The following NCK2 variants were observed in gnomAD, a reference collection of about 807,000 sequenced individuals.
The protein encoded by NCK2 is cytoplasmic protein NCK2.
NCK2 carries 16 observed loss-of-function variants against 33.9 expected under a neutral mutation model. The ratio of observed to expected loss-of-function variants is 0.47; its 90% CI spans 0.32 to 0.72. NCK2 has a LOEUF of 0.72. NCK2 is among the 30% of genes least tolerant of loss of function. The probability of loss-of-function intolerance (pLI) is 0.03; values close to 1 mark genes in which losing one functional copy is unlikely to be tolerated. For missense variants in NCK2, 418 were observed against 537.3 expected, an observed-to-expected ratio of 0.78 and a Z score of 2.19; for synonymous variants, 273 against 239.9, an observed-to-expected ratio of 1.14 and a Z score of -1.27.
intron 2 of NCK2, among the ~76,000 whole-genome samples, chr2:105,851,325 G>A (rs1179249502): frequency 6.6e-6 from 1 of 151,544 alleles, no homozygotes; most frequent in African/African-American, 2.4e-5. Context: ...GTGCAGTGGC[G>A]CGATCTCGGC....
At chr2:105,813,343 C>G (rs1201702254) in intron 1 of NCK2, among the ~76,000 whole-genome samples, 1 of 152,196 alleles carries the variant, frequency 6.6e-6, no homozygotes, top group Non-Finnish European at 1.5e-5. Flanking sequence ...CTTCAGTTTT[C>G]TGGACAAATA....
chr2:105,890,335 G>T (rs1678918237), intron 4 of NCK2, among the ~76,000 whole-genome samples: 1 of 152,240 alleles, frequency 6.6e-6, no homozygotes, highest in African/African-American at 2.4e-5. Flanking sequence ...TTAAAATTGG[G>T]TGTATCTTAC....
intron 3 of NCK2, among the ~76,000 whole-genome samples, chr2:105,862,304 A>T (rs1677572185): frequency 1.3e-5 from 2 of 152,310 alleles, no homozygotes; most frequent in South Asian, 4.1e-4. Context: ...CAAAAGACCC[A>T]GGTTAGTCGA....
At chr2:105,800,344 T>G (rs978448359) in intron 1 of NCK2, among the ~76,000 whole-genome samples, 1 of 152,152 alleles carries the variant, frequency 6.6e-6, no homozygotes, top group African/African-American at 2.4e-5. Context: ...AAAGATTGAT[T>G]GAGATAGTGC....
intron 1 of NCK2, among the ~76,000 whole-genome samples, chr2:105,786,350 C>T (rs1417024626): frequency 2.0e-5 from 3 of 152,222 alleles, no homozygotes; most frequent in Admixed American, 6.5e-5. Context: ...GCCCTGGGAA[C>T]GGCCAGTGGG....
intron 1 of NCK2, among the ~76,000 whole-genome samples, chr2:105,801,804 C>A (rs1674851488): frequency 6.6e-6 from 1 of 151,962 alleles, no homozygotes; most frequent in Admixed American, 6.6e-5. Flanking sequence ...GAGTGTGCAC[C>A]AAAAGCACAT....
intron 2 of NCK2, among the ~76,000 whole-genome samples, chr2:105,849,620 T>C (rs1676985473): frequency 6.6e-6 from 1 of 152,150 alleles, no homozygotes; most frequent in South Asian, 2.1e-4. Flanking sequence ...TGGTGCTAAA[T>C]GCTCTAATGC....
intron 2 of NCK2, among the ~76,000 whole-genome samples, chr2:105,835,423 A>ACGTATATATATATATTTT: frequency 9.8e-6 from 1 of 102,110 alleles, no homozygotes; most frequent in African/African-American, 3.8e-5. Flanking sequence ...ATATATATAT[A>ACGTATATATATATATTTT]TTTTTTTTTT....
At chr2:105,749,043 T>C (rs1689373333) in intron 1 of NCK2, among the ~76,000 whole-genome samples, 2 of 152,206 alleles carry the variant, frequency 1.3e-5, no homozygotes, top group Non-Finnish European at 2.9e-5. Context: ...GTCCTGAAGC[T>C]ACATTTAAAA....
intron 1 of NCK2, among the ~76,000 whole-genome samples, chr2:105,763,913 G>A (rs1228879895): frequency 2.0e-5 from 3 of 152,220 alleles, no homozygotes; most frequent in African/African-American, 4.8e-5. Context: ...TACGATGATG[G>A]ACTGTGTGAA....
At chr2:105,785,518 A>T (rs6543336) in intron 1 of NCK2, among the ~76,000 whole-genome samples, 2 of 152,076 alleles carry the variant, frequency 1.3e-5, no homozygotes, top group East Asian at 1.9e-4. Context: ...AATCTAATGC[A>T]GCCTGCCCAG....
intron 4 of NCK2, among the ~76,000 whole-genome samples, chr2:105,886,299 T>C (rs1306265618): frequency 6.6e-6 from 1 of 152,250 alleles, no homozygotes; most frequent in Non-Finnish European, 1.5e-5. Context: ...TCTGGAAGTT[T>C]AGTGCTCATC....
chr2:105,798,727 T>C (rs993298599), intron 1 of NCK2, among the ~76,000 whole-genome samples: 9 of 152,214 alleles, frequency 5.9e-5, no homozygotes, highest in African/African-American at 2.2e-4. Flanking sequence ...TGTGGGTGTC[T>C]ATTTTGAAGC....
intron 1 of NCK2, among the ~76,000 whole-genome samples, chr2:105,795,389 T>C (rs111870003): frequency 6.6e-6 from 1 of 152,370 alleles, no homozygotes; most frequent in Non-Finnish European, 1.5e-5. Flanking sequence ...TTATATGGTA[T>C]ATTGTAACTT....
At chr2:105,769,661 T>C (rs1045128604) in intron 1 of NCK2, among the ~76,000 whole-genome samples, 1 of 152,172 alleles carries the variant, frequency 6.6e-6, no homozygotes, top group South Asian at 2.1e-4. Flanking sequence ...ATTAGAGTCA[T>C]TGGCCAAGAA....
At chr2:105,833,234 C>G (rs1676266900) in intron 2 of NCK2, among the ~76,000 whole-genome samples, 1 of 151,830 alleles carries the variant, frequency 6.6e-6, no homozygotes, top group Admixed American at 6.6e-5. Flanking sequence ...AGCTGGGATT[C>G]CAGGCATGCA....
intron 1 of NCK2, among the ~76,000 whole-genome samples, chr2:105,758,407 G>GT (rs1254729110): frequency 7.5e-4 from 92 of 122,138 alleles, no homozygotes; most frequent in African/African-American, 2.3e-3. Context: ...TGTTTTTGTT[G>GT]TTTTTGTTTT....
intron 1 of NCK2, among the ~76,000 whole-genome samples, chr2:105,752,075 A>G (rs1689471032): frequency 6.6e-6 from 1 of 152,210 alleles, no homozygotes; most frequent in African/African-American, 2.4e-5. Context: ...TTCAGCATAT[A>G]GTATATACGT....
chr2:105,856,183 C>T (rs1677262746), intron 3 of NCK2, among the ~76,000 whole-genome samples: 1 of 152,186 alleles, frequency 6.6e-6, no homozygotes, highest in Admixed American at 6.5e-5. Context: ...TGGGCAGTGC[C>T]CTCCTGGAGT....
Sources: allele counts gnomAD v4.1 joint callset (sites outside exome capture counted in the v4.1 genomes callset), GRCh38; gene constraint gnomAD v4.1.1; transcripts MANE v1.5; gene names NCBI Gene and HGNC (gene_info 2026-07-23, HGNC 2026-07-21).